The following MRC1 variants were observed in gnomAD, a reference collection of about 807,000 sequenced individuals.
MRC1 encodes the protein macrophage mannose receptor 1.
A neutral mutation model predicts 102.9 loss-of-function variants in MRC1; 62 were observed. That is an observed-to-expected ratio of 0.60 (90% CI 0.49 to 0.74). The LOEUF is 0.74. Ranked by LOEUF, MRC1 falls within the 30% of genes least tolerant of loss-of-function variation. MRC1 has a pLI of 0.00. For synonymous variants in MRC1, 457 were observed against 298.4 expected, an observed-to-expected ratio of 1.53 and a Z score of -5.48; for missense variants, 1,237 against 862.8, an observed-to-expected ratio of 1.43 and a Z score of -5.43.
chr10:17,870,393 A>T lies in MRC1; in HGVS notation c.2111+20A>T. 2 of 780,154 alleles carry T rather than the reference A, an allele frequency of 2.6e-6. No individual in the cohort carries two copies. The highest frequency in any genetic ancestry group is 4.8e-6 in the Non-Finnish European group (2 of 417,514). The allele number at this position is 780,154 out of a possible 1,614,324, so 48.3% of individuals were successfully genotyped here. The stretch of plus-strand genomic sequence containing the variant: ...AATAACGTAAGTGGTATTTTTATGG[A>T]TTCCTCCTTTTTGTTATCTAGTTGG... On this transcript the variant is annotated intron_variant, in intron 13 of 29. Coordinates refer to ENST00000569591, the MANE Select transcript of MRC1 (RefSeq NM_002438.4).
At chr10:17,843,703 C>A (rs1720571797) in intron 5 of MRC1, among the ~76,000 whole-genome samples, 1 of 152,026 alleles carries the variant, frequency 6.6e-6, no homozygotes, top group African/African-American at 2.4e-5. Context: ...TTATTACTAA[C>A]CATTATTTTC....
rs944125903 is a variant in MRC1, at chr10:17,844,362, G to A, written c.917-927G>A. Among the ~76,000 whole-genome samples, 392 of 152,148 alleles carry A rather than the reference G, an allele frequency of 2.6e-3. 3 individuals are homozygous for A. Among genetic ancestry groups the A allele is most frequent in the Middle Eastern group, 0.01 (3 of 294 alleles). Reference sequence around the variant, plus strand: ...GCCTCCCAAGTAGCTGGGATTACAGGTGCCCGCCAGCTCCCCGGCCGATTT... The same window carrying A: ...GCCTCCCAAGTAGCTGGGATTACAGATGCCCGCCAGCTCCCCGGCCGATTT... On this transcript the variant is annotated intron_variant, in intron 5 of 29. Transcript: ENST00000569591.
At chr10:17,871,872 G>A (rs1833359604) in intron 14 of MRC1, 110 bp from the exon 15 acceptor site, 2 of 700,488 alleles carry the variant, frequency 2.9e-6, no homozygotes, top group Non-Finnish European at 5.2e-6. Context: ...TGAAAAAAAA[G>A]TAAATTGATA....
At chr10:17,861,617 T>C in intron 10 of MRC1, 115 bp downstream of exon 10, 3 of 670,002 alleles carry the variant, frequency 4.5e-6, no homozygotes, top group Non-Finnish European at 8.2e-6. Flanking sequence ...GAGGTATGAT[T>C]TGTAAAGATA....
rs1038183713 is a variant in MRC1 at position 17,863,111 on chromosome 10, C to T, written c.1635-423C>T. 991 of 176,958 alleles carry T rather than the reference C, an allele frequency of 5.6e-3. 9 individuals carry two copies. Among genetic ancestry groups the T allele is most frequent in the African/African-American group, 0.022 (930 of 41,758 alleles). 11.0% of individuals were successfully genotyped at this position (176,958 alleles called of 1,614,324 possible). On this transcript the variant is annotated intron_variant, in intron 10 of 29. Coordinates refer to ENST00000569591, the MANE Select transcript of MRC1 (RefSeq NM_002438.4). ...ATGCAGATTATTCCATGAGTATTAT[C>T]CTTGATAATGTTATTAACCTTGAAC...
chr10:17,909,658 A>ATT (rs563990971), intron 29 of MRC1, among the ~76,000 whole-genome samples: 4 of 147,004 alleles, frequency 2.7e-5, no homozygotes, highest in African/African-American at 7.5e-5. Flanking sequence ...TTTTCTTAGA[A>ATT]TTTTTTTTTT....
At chr10:17,871,793 G>A (rs970738342) in intron 14 of MRC1, among the ~76,000 whole-genome samples, 189 bp from the exon 15 acceptor site, 26 of 152,200 alleles carry the variant, frequency 1.7e-4, no homozygotes, top group African/African-American at 5.1e-4. Context: ...ACATCACAAG[G>A]TTCCATGTAA....
intron 3 of MRC1, among the ~76,000 whole-genome samples, chr10:17,831,452 A>G (rs1838571601): frequency 6.6e-6 from 1 of 151,406 alleles, no homozygotes; most frequent in South Asian, 2.1e-4. Flanking sequence ...TCAAATTTTG[A>G]TATGTTTTCT....
intron 26 of MRC1, among the ~76,000 whole-genome samples, chr10:17,903,734 C>T (rs1048605334): frequency 1.1e-4 from 16 of 151,844 alleles, no homozygotes; most frequent in African/African-American, 2.2e-4. Flanking sequence ...TACTATATAT[C>T]GTTTGGTTAT....
chr10:17,820,091 G>T (rs1471003925), intron 1 of MRC1, among the ~76,000 whole-genome samples: 1 of 152,172 alleles, frequency 6.6e-6, no homozygotes, highest in Non-Finnish European at 1.5e-5. Context: ...GCTGAGGAGG[G>T]TGAGCTGCTT....
intron 24 of MRC1, among the ~76,000 whole-genome samples, chr10:17,899,900 A>C (rs1833804957): frequency 6.6e-6 from 1 of 152,034 alleles, no homozygotes; most frequent in Non-Finnish European, 1.5e-5. Flanking sequence ...GGAGTTCAAG[A>C]CCAGCCTGGC....
chr10:17,909,218 G>A, intron 28 of MRC1, 88 bp from the exon 29 acceptor site: 1 of 745,870 alleles, frequency 1.3e-6, no homozygotes, highest in South Asian at 1.4e-5. Context: ...AAATGTGGAG[G>A]ATTCCATGTA....
At chr10:17,869,817 C>T (rs1477270217) in intron 12 of MRC1, among the ~76,000 whole-genome samples, 1 of 152,152 alleles carries the variant, frequency 6.6e-6, no homozygotes, top group Non-Finnish European at 1.5e-5. Flanking sequence ...ACAAACTGTG[C>T]ACAATTTTAG....
chr10:17,898,174 G>A lies in MRC1; in HGVS notation c.3391G>A (p.Ala1131Thr). Residue 1131 changes from alanine to threonine, a missense_variant, in exon 24 of 30, where the codon GCC (alanine) becomes ACC (threonine). By Grantham distance (58) the Ala-to-Thr change is moderately conservative. Coordinates refer to ENST00000569591, the MANE Select transcript of MRC1 (RefSeq NM_002438.4). ...TYCKLHNSLI[A>T]SILDPYSNAF... ...CTGCAAGCTTCACAATTCCCTTATA[G>A]CCAGCATTCTGGATCCCTACAGTAA... is the stretch of plus-strand genomic sequence containing the variant. 1.3e-6 allele frequency: 1 copy of A among 780,816 alleles called. No homozygotes were observed. Among genetic ancestry groups the A allele is most frequent in the Non-Finnish European group, 2.4e-6 (1 of 417,962 alleles). 48.4% of individuals were successfully genotyped at this position (780,816 alleles called of 1,614,324 possible). A position where few individuals can be genotyped will look rare whatever the true frequency, so the allele number is the denominator to read the frequency against.
intron 22 of MRC1, 72 bp from the exon 23 acceptor site, chr10:17,894,138 C>T: frequency 3.5e-6 from 3 of 848,460 alleles, no homozygotes; most frequent in Admixed American, 3.5e-5. Flanking sequence ...GATTTTTTTG[C>T]TTATTAATGA....
At chr10:17,869,261 T>G (rs1833321030) in intron 12 of MRC1, among the ~76,000 whole-genome samples, 1 of 152,146 alleles carries the variant, frequency 6.6e-6, no homozygotes, top group Admixed American at 6.5e-5. Context: ...GTTAAGAAAA[T>G]AAAATCTTAT....
chr10:17,834,828 CAG>C (rs1380730543), intron 4 of MRC1, among the ~76,000 whole-genome samples: 2 of 152,148 alleles, frequency 1.3e-5, no homozygotes, highest in Admixed American at 6.5e-5. Context: ...CTTGGGGAAA[CAG>C]AGAGATTAGG....
intron 1 of MRC1, among the ~76,000 whole-genome samples, chr10:17,817,574 A>C (rs1367077382): frequency 6.6e-6 from 1 of 152,188 alleles, no homozygotes; most frequent in Admixed American, 6.5e-5. Context: ...TATTTGTTGA[A>C]AAATTAATGT....
At chr10:17,909,617 TTTCTC>T (rs1198628302) in intron 29 of MRC1, among the ~76,000 whole-genome samples, 6 of 151,976 alleles carry the variant, frequency 3.9e-5, no homozygotes, top group African/African-American at 1.4e-4. Flanking sequence ...ATGGAAGAAA[TTTCTC>T]TTAAGAATCT....
Sources: gnomAD v4.1 joint callset for allele counts (sites outside exome capture counted in the v4.1 genomes callset) on GRCh38, gnomAD v4.1.1 for gene constraint, MANE v1.5 for transcripts, NCBI Gene and HGNC (gene_info 2026-07-23, HGNC 2026-07-21) for gene names.